Variants in MAST4 observed in about 807,000 individuals in gnomAD.
MAST4 encodes the protein microtubule-associated serine/threonine-protein kinase 4.
A neutral mutation model predicts 162.7 loss-of-function variants in MAST4; 89 were observed. The observed-to-expected ratio is 0.55, with a 90% confidence interval of 0.46 to 0.65. The LOEUF (loss-of-function observed/expected upper bound fraction) is 0.65, where lower values mean the gene tolerates loss of function less well. Among genes scored for constraint, MAST4 ranks in the 30% least tolerant of loss-of-function variants. The pLI is 0.00. For missense variants in MAST4, 3,153 were observed against 3,374.0 expected (o/e 0.93, Z 1.62); for synonymous variants, 1,479 against 1,361.1 (o/e 1.09, Z -1.91).
intron 4 of MAST4, among the ~76,000 whole-genome samples, chr5:67,037,338 G>C (rs1756147719): frequency 1.3e-5 from 2 of 152,188 alleles, no homozygotes; most frequent in South Asian, 2.1e-4. Context: ...GTCAGGCTTA[G>C]TCCTTGTTCT....
At chr5:66,788,606 C>CCCAAACAAAAAAAAAAAAAAAAA in intron 2 of MAST4, 64 bp from the exon 3 acceptor site, 1 of 1,356,382 alleles carries the variant, frequency 7.4e-7, no homozygotes, top group Non-Finnish European at 1.0e-6. Flanking sequence ...ACCCCCACCC[C>CCCAAACAAAAAAAAAAAAAAAAA]CATTGCAATA....
chr5:66,994,619 A>C (rs1750425133), intron 4 of MAST4, among the ~76,000 whole-genome samples: 1 of 152,228 alleles, frequency 6.6e-6, no homozygotes, highest in Non-Finnish European at 1.5e-5. Context: ...CATGTATGAC[A>C]GTACATTGAA....
At chr5:66,833,473 G>A (rs916335991) in intron 3 of MAST4, among the ~76,000 whole-genome samples, 10 of 152,126 alleles carry the variant, frequency 6.6e-5, no homozygotes, top group African/African-American at 2.4e-4. Context: ...GACTTTTCCT[G>A]ATCTACTCCA....
At chr5:66,839,520 G>A (rs961218746) in intron 3 of MAST4, among the ~76,000 whole-genome samples, 3 of 152,082 alleles carry the variant, frequency 2.0e-5, no homozygotes, top group Admixed American at 6.6e-5. Flanking sequence ...ATTACATGGT[G>A]CACAAAGTAG....
chr5:67,020,956 A>G (rs1283136986), intron 4 of MAST4, among the ~76,000 whole-genome samples: 1 of 152,204 alleles, frequency 6.6e-6, no homozygotes, highest in Non-Finnish European at 1.5e-5. Context: ...TCAAGTAGTT[A>G]CCACAGAAAC....
At chr5:66,704,209 G>A (rs559636647) in intron 1 of MAST4, among the ~76,000 whole-genome samples, 5 of 152,078 alleles carry the variant, frequency 3.3e-5, no homozygotes, top group South Asian at 2.1e-4. Flanking sequence ...AGTACACACC[G>A]TTGGGTTGAC....
At chr5:67,141,193 AG>A (rs779110164) in intron 19 of MAST4, among the ~76,000 whole-genome samples, 1 of 152,180 alleles carries the variant, frequency 6.6e-6, no homozygotes, top group Non-Finnish European at 1.5e-5. Context: ...TACAAGAAAG[AG>A]GCATTTACTT....
chr5:66,740,197 G>C (rs976241249), intron 1 of MAST4, among the ~76,000 whole-genome samples: 2 of 152,196 alleles, frequency 1.3e-5, no homozygotes, highest in East Asian at 1.9e-4. Flanking sequence ...GAAAGCATTA[G>C]AGGCTGATGT....
intron 4 of MAST4, among the ~76,000 whole-genome samples, chr5:66,965,773 G>A (rs1482434643): frequency 1.3e-5 from 2 of 152,168 alleles, no homozygotes; most frequent in Admixed American, 6.5e-5. Context: ...TGCATGCTAT[G>A]TAAGGCCTTG....
At chr5:66,999,208 G>C (rs1265031850) in intron 4 of MAST4, among the ~76,000 whole-genome samples, 1 of 152,190 alleles carries the variant, frequency 6.6e-6, no homozygotes, top group African/African-American at 2.4e-5. Flanking sequence ...AGTGTGTCCA[G>C]CTGTTCTCCC....
intron 3 of MAST4, among the ~76,000 whole-genome samples, chr5:66,813,734 AG>A (rs1169818409): frequency 6.6e-6 from 1 of 152,276 alleles, no homozygotes; most frequent in Non-Finnish European, 1.5e-5. Context: ...GAGAAGAAAT[AG>A]GTGGTTTAAC....
chr5:66,930,862 G>A (rs1257491021), intron 4 of MAST4: 1 of 460,304 alleles, frequency 2.2e-6, no homozygotes, highest in Non-Finnish European at 4.5e-6. Context: ...GAGATGGATA[G>A]AATTGTTGTG....
chr5:66,839,987 G>A (rs914729858), intron 3 of MAST4, among the ~76,000 whole-genome samples: 10 of 151,520 alleles, frequency 6.6e-5, no homozygotes, highest in Admixed American at 2.0e-4. Context: ...AAACTGACGC[G>A]TTCTTGGGCA....
At chr5:67,078,911 A>AATAAATATATATATATATATAATAT (rs1227485756) in intron 5 of MAST4, among the ~76,000 whole-genome samples, 5 of 38,110 alleles carry the variant, frequency 1.3e-4, no homozygotes, top group South Asian at 8.8e-4. Flanking sequence ...TTTTTATATA[A>AATAAATATATATATATATATAATAT]ATATATATAT....
In MAST4 at chr5:67,144,755, A is replaced by T. The variant is rs967673132; in HGVS notation, c.2817A>T (p.Pro939=). The T allele has an allele frequency of 1.2e-6, 2 of 1,613,464 alleles. No homozygotes were observed. The highest frequency in any genetic ancestry group is 2.7e-5 in the African/African-American group (2 of 74,948). Residue 939 remains proline, a synonymous_variant, in exon 22 of 29, where the codon CCA becomes CCT. Transcript: ENST00000403625. The part of the protein sequence containing the change: ...SVDKTKSTTL[P]STETLSWSSE... ...ACAAAACCAAAAGCACCACCTTGCC[A>T]TCCACAGAAACACTGAGCTGGAGTT...
intron 5 of MAST4, among the ~76,000 whole-genome samples, chr5:67,074,897 G>A (rs1761426225): frequency 6.6e-6 from 1 of 152,086 alleles, no homozygotes; most frequent in Non-Finnish European, 1.5e-5. Flanking sequence ...TTTTCCTATG[G>A]ATTTTAAACG....
At chr5:66,969,176 C>G (rs114718691) in intron 4 of MAST4, among the ~76,000 whole-genome samples, 1,549 of 152,286 alleles carry the variant, frequency 0.01, 24 homozygotes, top group African/African-American at 0.035. Context: ...CACATTCTGT[C>G]TGTGGCTGGG....
At position 67,163,349 on chromosome 5, in the gene MAST4, C is replaced by T; in HGVS notation, c.4170C>T (p.Thr1390=). ...CGCCCTCTCCAACCCCGCAACCCAC[C>T]TCCCCGCAGCGGTCACCATCCCCTC... ...ARTPSPTPQP[T]SPQRSPSPLL... is the part of the protein sequence containing the mutation. Residue 1390 remains threonine (T), a synonymous_variant, in exon 29 of 29, where the codon ACC becomes ACT. Coordinates refer to ENST00000403625, the MANE Select transcript of MAST4 (RefSeq NM_001164664.2). This position sits in a 1 kb window ranked among gnomAD's most constrained non-coding sequence, Gnocchi z 7.0. 4 of 1,612,722 alleles carry T rather than the reference C, an allele frequency of 2.5e-6. No individual in the cohort carries two copies. In the Middle Eastern group the frequency reaches 4.9e-4, roughly 200 times the overall value.
chr5:66,830,163 A>G (rs1757505347), intron 3 of MAST4, among the ~76,000 whole-genome samples: 3 of 152,216 alleles, frequency 2.0e-5, no homozygotes, highest in Admixed American at 6.5e-5. Flanking sequence ...AACTCTGAAT[A>G]GTTCAGATTA....
Sources: gnomAD v4.1 joint callset for allele counts (sites outside exome capture counted in the v4.1 genomes callset) on GRCh38, gnomAD v4.1.1 for gene constraint, Gnocchi (gnomAD v3.1) non-coding constraint, MANE v1.5 for transcripts, NCBI Gene and HGNC (gene_info 2026-07-23, HGNC 2026-07-21) for gene names.